Variants in DCLK1 observed in about 807,000 individuals in gnomAD.
The protein encoded by DCLK1 is doublecortin like kinase 1.
DCLK1 carries 16 observed loss-of-function variants against 86.2 expected under a neutral mutation model. The observed-to-expected ratio is 0.19, with a 90% CI of 0.13 to 0.28. The LOEUF (loss-of-function observed/expected upper bound fraction) is 0.28, where lower values mean the gene tolerates loss of function less well. Among genes scored for constraint, DCLK1 ranks in the 10% least tolerant of loss-of-function variants. DCLK1 has a pLI of 1.00. For synonymous variants in DCLK1, 369 were observed against 370.5 expected (o/e 1.00, Z 0.05); for missense variants, 590 against 940.2 (o/e 0.63, Z 4.87).
intron 3 of DCLK1, among the ~76,000 whole-genome samples, chr13:35,952,344 A>C (rs2153134577): frequency 6.6e-6 from 1 of 152,330 alleles, no homozygotes; most frequent in African/African-American, 2.4e-5. Context: ...TGATGAAAGA[A>C]AGACACACTT....
At chr13:35,912,575 A>C (rs907693322) in intron 4 of DCLK1, among the ~76,000 whole-genome samples, 16 of 152,130 alleles carry the variant, frequency 1.1e-4, no homozygotes, top group Non-Finnish European at 2.1e-4. Flanking sequence ...ACTTCAGGGA[A>C]GATTACCTGC....
intron 16 of DCLK1, among the ~76,000 whole-genome samples, chr13:35,791,071 G>A (rs2086700115): frequency 6.6e-6 from 1 of 152,158 alleles, no homozygotes; most frequent in Non-Finnish European, 1.5e-5. Context: ...GCATTCTGGA[G>A]AAGGTGCCTC....
intron 3 of DCLK1, among the ~76,000 whole-genome samples, chr13:35,980,026 G>C (rs920151365): frequency 1.3e-5 from 2 of 152,118 alleles, no homozygotes; most frequent in Non-Finnish European, 2.9e-5. Flanking sequence ...ATAACATAAA[G>C]ATCTCCTGCC....
chr13:35,780,747 C>G (rs941101994), intron 16 of DCLK1, among the ~76,000 whole-genome samples: 5 of 152,230 alleles, frequency 3.3e-5, no homozygotes, highest in Admixed American at 2.6e-4. Context: ...AAGCCCTTAG[C>G]AGATGCTAGA....
At chr13:35,841,409 T>C (rs1869783080) in intron 6 of DCLK1, among the ~76,000 whole-genome samples, 1 of 152,120 alleles carries the variant, frequency 6.6e-6, no homozygotes, top group South Asian at 2.1e-4. Flanking sequence ...AACTAATGAA[T>C]TGGATTTAAC....
At chr13:35,997,673 C>A (rs1184578326) in intron 3 of DCLK1, among the ~76,000 whole-genome samples, 1 of 152,152 alleles carries the variant, frequency 6.6e-6, no homozygotes, top group Admixed American at 6.5e-5. Flanking sequence ...AGTCATGAAA[C>A]TTGCAATGTA....
rs145262053 is a variant in DCLK1 at position 35,774,626 on chromosome 13, G to C, written c.2132C>G (p.Ala711Gly). Residue 711 changes from alanine to glycine, a missense_variant, in exon 17 of 17, where the codon GCG (alanine) becomes GGG (glycine). Ala to Gly is a moderately conservative substitution (Grantham distance 60). Around this residue, in one of 6 missense-constraint regions of DCLK1, gnomAD observed 146 missense variants for 190.2 expected, o/e 0.77. Coordinates refer to ENST00000360631, the MANE Select transcript of DCLK1 (RefSeq NM_001330071.2). ...GTTGAGTTCGGGAGGAGCTGGCTGC[G>C]CCTTGTACCGGCTCCTCACATCCTG... ...RNQDVRSRYKAQPAPPELNSE... is the reference protein window; with the variant it reads ...RNQDVRSRYKGQPAPPELNSE... 1 of 1,605,402 alleles carries C rather than the reference G, an allele frequency of 6.2e-7. No individual in the cohort carries two copies.
chr13:35,916,097 G>A (rs140153747), intron 4 of DCLK1, among the ~76,000 whole-genome samples: 2,158 of 152,204 alleles, frequency 0.014, 22 homozygotes, highest in South Asian at 0.032. Flanking sequence ...CTGCAAAAAG[G>A]ATCTTCAGGT....
At chr13:35,813,488 GC>G (rs2153103406) in intron 11 of DCLK1, among the ~76,000 whole-genome samples, 1 of 152,124 alleles carries the variant, frequency 6.6e-6, no homozygotes, top group East Asian at 1.9e-4. Context: ...CTAACATATA[GC>G]CATAGACCAA....
chr13:35,950,125 G>A (rs1293823526), intron 3 of DCLK1, among the ~76,000 whole-genome samples: 2 of 152,146 alleles, frequency 1.3e-5, no homozygotes, highest in Admixed American at 1.3e-4. Context: ...CTTCCCATTG[G>A]AAAAGGTAGG....
At chr13:35,966,778 T>C (rs1461557131) in intron 3 of DCLK1, among the ~76,000 whole-genome samples, 1 of 152,080 alleles carries the variant, frequency 6.6e-6, no homozygotes, top group Non-Finnish European at 1.5e-5. Flanking sequence ...GGTGCCGGGA[T>C]TGCAGACGGA....
intron 3 of DCLK1, among the ~76,000 whole-genome samples, chr13:35,952,784 A>G (rs991720383): frequency 6.6e-6 from 1 of 152,176 alleles, no homozygotes; most frequent in African/African-American, 2.4e-5. Context: ...TTTAACTCCA[A>G]TGAAAAACAG....
chr13:35,809,920 C>T (rs2087107220), intron 12 of DCLK1, among the ~76,000 whole-genome samples: 1 of 152,224 alleles, frequency 6.6e-6, no homozygotes. Flanking sequence ...GAAAAACTAT[C>T]TCCAACTGGT....
In DCLK1 at chr13:35,826,289, C is replaced by G. The variant is rs991883367; in HGVS notation, c.1407+1346G>C. ...CTGTAATCCCAGCACTTTGGGAGGC[C>G]GAGGTGGGCGGATCACCTGAGGTTG... On this transcript the variant is annotated intron_variant, in intron 10 of 16. Transcript: ENST00000360631. Among the ~76,000 whole-genome samples the G allele has an allele frequency of 5.3e-3, 794 of 150,278 alleles. 5 individuals are homozygous for G. Among genetic ancestry groups the G allele is most frequent in the African/African-American group, 0.019 (762 of 41,082 alleles).
At chr13:35,936,610 T>C (rs1467815864) in intron 4 of DCLK1, among the ~76,000 whole-genome samples, 1 of 152,188 alleles carries the variant, frequency 6.6e-6, no homozygotes, top group African/African-American at 2.4e-5. Flanking sequence ...TTGATCAGTG[T>C]CCTCTGTGGA....
rs140211620 is a variant in DCLK1, at chr13:35,819,464, T to C, written c.1554+3265A>G. Reference sequence around the variant, plus strand: ...CAATTATACTGTGTACAATGAAATCTATAGCTGAATTAGATATGTATTAAA... The same window carrying C: ...CAATTATACTGTGTACAATGAAATCCATAGCTGAATTAGATATGTATTAAA... On this transcript the variant is annotated intron_variant, in intron 11 of 16. Coordinates refer to ENST00000360631, the MANE Select transcript of DCLK1 (RefSeq NM_001330071.2). Among the ~76,000 whole-genome samples, 637 of 152,326 alleles carry C rather than the reference T, an allele frequency of 4.2e-3. 2 individuals carry two copies. The highest frequency in any genetic ancestry group is 6.7e-3 in the Non-Finnish European group (453 of 68,028).
chr13:36,094,788 G>A (rs1269852372), intron 3 of DCLK1, among the ~76,000 whole-genome samples: 1 of 152,126 alleles, frequency 6.6e-6, no homozygotes, highest in Non-Finnish European at 1.5e-5. Context: ...ACAATTTCGG[G>A]CCAGGAATAT....
At chr13:35,822,972 G>T (rs2087432455) in intron 10 of DCLK1, 97 bp from the exon 11 acceptor site, 10 of 1,418,334 alleles carry the variant, frequency 7.1e-6, no homozygotes, top group South Asian at 3.9e-5. Flanking sequence ...CAGGAAGAAT[G>T]GATGTGGAAT....
Position 35,945,149 on chromosome 13 carries a change from C to G in DCLK1, c.823+2209G>C, listed in dbSNP as rs151034134. On this transcript the variant is annotated intron_variant, in intron 4 of 16. Coordinates refer to ENST00000360631, the MANE Select transcript of DCLK1 (RefSeq NM_001330071.2). ...TCCCAACCTCAGGTGATCTGCCCGC[C>G]TTGGCCTCCCAAAGTCCTGGGTTTA... is the stretch of plus-strand genomic sequence containing the variant. Among the ~76,000 whole-genome samples the G allele has an allele frequency of 6.5e-3, 988 of 152,286 alleles. 9 individuals carry two copies. Among genetic ancestry groups the G allele is most frequent in the African/African-American group, 0.023 (941 of 41,572 alleles).
Sources: allele counts gnomAD v4.1 joint callset (sites outside exome capture counted in the v4.1 genomes callset), GRCh38; gene constraint gnomAD v4.1.1; regional missense constraint gnomAD v4.1.1; transcripts MANE v1.5; gene names NCBI Gene and HGNC (gene_info 2026-07-23, HGNC 2026-07-21).